The following THSD7A variants were observed in gnomAD, a reference collection of about 807,000 sequenced individuals.
THSD7A encodes thrombospondin type-1 domain-containing protein 7A.
A neutral mutation model predicts 231.3 loss-of-function variants in THSD7A; 96 were observed. The ratio of observed to expected loss-of-function variants is 0.41; its 90% CI spans 0.35 to 0.49. The LOEUF (loss-of-function observed/expected upper bound fraction) is 0.49, where lower values mean the gene tolerates loss of function less well. Ranked by LOEUF, THSD7A falls within the 20% of genes least tolerant of loss-of-function variation. THSD7A has a pLI of 0.05. For synonymous variants in THSD7A, 940 were observed against 743.3 expected, an observed-to-expected ratio of 1.26 and a Z score of -4.30; for missense variants, 2,290 against 2,070.2, an observed-to-expected ratio of 1.11 and a Z score of -2.06.
At chr7:11,750,627 C>T (rs577871986) in intron 1 of THSD7A, among the ~76,000 whole-genome samples, 19 of 152,046 alleles carry the variant, frequency 1.2e-4, no homozygotes, top group African/African-American at 4.1e-4. Flanking sequence ...AGGCCCCTGA[C>T]GTGGCGCAGG....
intron 6 of THSD7A, among the ~76,000 whole-genome samples, chr7:11,518,900 T>C (rs186887243): frequency 1.3e-5 from 2 of 152,340 alleles, no homozygotes; most frequent in Admixed American, 6.5e-5. Context: ...TGGACCTTTA[T>C]TGATACTTTC....
chr7:11,583,914 T>G (rs928167020), intron 4 of THSD7A, among the ~76,000 whole-genome samples: 1 of 152,208 alleles, frequency 6.6e-6, no homozygotes, highest in African/African-American at 2.4e-5. Context: ...GAATTCTTAG[T>G]GAGTCTTATT....
chr7:11,682,304 A>G (rs1203414299), intron 1 of THSD7A, among the ~76,000 whole-genome samples: 1 of 152,144 alleles, frequency 6.6e-6, no homozygotes, highest in Non-Finnish European at 1.5e-5. Flanking sequence ...TAGAAGACGT[A>G]GAATGGCAAA....
chr7:11,795,998 A>T lies in THSD7A; in HGVS notation c.190+35759T>A, dbSNP rs913690495. 2.0e-5 allele frequency among the ~76,000 whole-genome samples: 3 copies of T among 146,832 alleles called. No individual in the cohort carries two copies. The Admixed American group carries it at 2.1e-4, about 10-fold the overall frequency. On this transcript the variant is annotated intron_variant, in intron 1 of 27. Transcript: ENST00000423059. ...CTGTTTCCTGTAACTGTGCTAAAAC[A>T]TGTATTTTTGGTACTTCTTTGAAAT...
chr7:11,645,425 C>T lies in THSD7A; in HGVS notation c.191-8464G>A, dbSNP rs1175386376. Among the ~76,000 whole-genome samples the T allele has an allele frequency of 2.0e-5, 3 of 151,702 alleles. No homozygotes were observed. The East Asian group carries it at 5.8e-4, about 29-fold the overall frequency. On this transcript the variant is annotated intron_variant, in intron 1 of 27. Coordinates refer to ENST00000423059, the MANE Select transcript of THSD7A (RefSeq NM_015204.3). ...ATATTTCTTTCATTGAGTTTTAAGG[C>T]TGAAATATATTTTTAAATACAGAGA... is the stretch of plus-strand genomic sequence containing the variant.
intron 6 of THSD7A, among the ~76,000 whole-genome samples, chr7:11,526,721 G>A (rs894632284): frequency 3.9e-5 from 6 of 152,038 alleles, no homozygotes; most frequent in African/African-American, 1.4e-4. Flanking sequence ...TTCTCCTGCT[G>A]CCATGTAAGA....
intron 1 of THSD7A, among the ~76,000 whole-genome samples, chr7:11,739,537 T>C (rs1280545148): frequency 1.3e-5 from 2 of 152,008 alleles, no homozygotes; most frequent in East Asian, 3.9e-4. Context: ...CTATCAGCCA[T>C]TACATTCTAA....
chr7:11,438,878 T>C (rs1252616827), intron 13 of THSD7A, among the ~76,000 whole-genome samples: 1 of 152,012 alleles, frequency 6.6e-6, no homozygotes, highest in African/African-American at 2.4e-5. Flanking sequence ...TAGAACCCTC[T>C]TATTTCTCTA....
chr7:11,773,052 T>G (rs2128172215), intron 1 of THSD7A, among the ~76,000 whole-genome samples: 1 of 152,300 alleles, frequency 6.6e-6, no homozygotes, highest in Non-Finnish European at 1.5e-5. Context: ...ATGAAGAGCC[T>G]AAGAAACCTC....
intron 1 of THSD7A, among the ~76,000 whole-genome samples, chr7:11,794,316 G>A (rs1395712329): frequency 6.6e-6 from 1 of 151,984 alleles, no homozygotes; most frequent in Non-Finnish European, 1.5e-5. Context: ...AGCTCTGACA[G>A]TGTTTCCTTG....
rs540871417 is a variant in THSD7A, at chr7:11,780,859, C to T, written c.190+50898G>A. ...ACAAAAAATTAGCCGGGCGCGGTGG[C>T]GGGCGCCTGTAGTCCCAGCTACTCG... On this transcript the variant is annotated intron_variant, in intron 1 of 27. Transcript: ENST00000423059. Among the ~76,000 whole-genome samples the T allele has an allele frequency of 6.0e-5, 9 of 150,966 alleles. 1 individual carries two copies. In the South Asian group the frequency reaches 1.3e-3, roughly 21 times the overall value.
At chr7:11,468,473 T>C (rs1785799043) in intron 9 of THSD7A, among the ~76,000 whole-genome samples, 1 of 152,052 alleles carries the variant, frequency 6.6e-6, no homozygotes. Context: ...GCCATTAACA[T>C]GTTTATAAAA....
chr7:11,741,965 G>A (rs1333103413), intron 1 of THSD7A, among the ~76,000 whole-genome samples: 2 of 151,948 alleles, frequency 1.3e-5, no homozygotes, highest in Admixed American at 6.6e-5. Context: ...TTATATAGAT[G>A]TGGGTACTGA....
chr7:11,553,659 G>A (rs529247802), intron 4 of THSD7A, among the ~76,000 whole-genome samples: 1 of 151,960 alleles, frequency 6.6e-6, no homozygotes, highest in African/African-American at 2.4e-5. Context: ...TTAATTTAAA[G>A]AGGATTCAAA....
intron 1 of THSD7A, among the ~76,000 whole-genome samples, chr7:11,807,695 T>C (rs1009349002): frequency 2.0e-5 from 3 of 152,106 alleles, no homozygotes; most frequent in Non-Finnish European, 2.9e-5. Flanking sequence ...GCAGTATACT[T>C]TTTATTTTTC....
At chr7:11,484,994 G>T (rs983044269) in intron 6 of THSD7A, among the ~76,000 whole-genome samples, 1 of 145,724 alleles carries the variant, frequency 6.9e-6, no homozygotes, top group African/African-American at 2.6e-5. Context: ...AGGGTCAAGC[G>T]ATTCTCCTGC....
At chr7:11,810,235 A>G (rs1304112812) in intron 1 of THSD7A, among the ~76,000 whole-genome samples, 2 of 152,154 alleles carry the variant, frequency 1.3e-5, no homozygotes, top group African/African-American at 4.8e-5. Flanking sequence ...AGCTATTCAG[A>G]GTGTAAACCT....
chr7:11,446,206 A>C lies in THSD7A; in HGVS notation c.2919T>G (p.Ile973Met). ...AQPVGNWSDC[I>M]LPEGKVEVLL... ...ACACTTCCACTTTTCCCTCTGGTAA[A>C]ATACAGTCTGACCAGTTCCCCACAG... Residue 973 changes from isoleucine (I) to methionine (M), a missense_variant, in exon 13 of 28, where the codon ATT (isoleucine) becomes ATG (methionine). By Grantham distance (10) the Ile-to-Met change is conservative. Coordinates refer to ENST00000423059, the MANE Select transcript of THSD7A (RefSeq NM_015204.3). The surrounding 1 kb of genome is among the most constrained non-coding windows in gnomAD (Gnocchi z 4.0). 3 of 1,613,508 alleles carry C rather than the reference A, an allele frequency of 1.9e-6. No individual in the cohort carries two copies. The highest frequency in any genetic ancestry group is 2.5e-6 in the Non-Finnish European group (3 of 1,179,652).
intron 1 of THSD7A, among the ~76,000 whole-genome samples, chr7:11,819,043 A>C (rs902200011): frequency 1.3e-4 from 20 of 152,314 alleles, no homozygotes; most frequent in African/African-American, 4.8e-4. Flanking sequence ...ATGCAGATCT[A>C]TCACCAAAGA....
Sources: allele counts gnomAD v4.1 joint callset (sites outside exome capture counted in the v4.1 genomes callset), GRCh38; gene constraint gnomAD v4.1.1; non-coding constraint Gnocchi (gnomAD v3.1); transcripts MANE v1.5; gene names NCBI Gene and HGNC (gene_info 2026-07-23, HGNC 2026-07-21).